Variants in PDS5B observed in about 807,000 individuals in gnomAD.
PDS5B encodes the protein PDS5 cohesin associated factor B.
Under a neutral mutation model 184.1 loss-of-function variants are expected in PDS5B, and 51 were observed. The ratio of observed to expected loss-of-function variants is 0.28; its 90% CI spans 0.22 to 0.35. The LOEUF (loss-of-function observed/expected upper bound fraction) is 0.35, where lower values mean the gene tolerates loss of function less well. PDS5B is among the 10% of genes least tolerant of loss of function. The probability of loss-of-function intolerance (pLI) is 1.00; values close to 1 mark genes in which losing one functional copy is unlikely to be tolerated. For missense variants in PDS5B, 1,180 were observed against 1,723.3 expected, an observed-to-expected ratio of 0.68 and a Z score of 5.58; for synonymous variants, 566 against 569.2, an observed-to-expected ratio of 0.99 and a Z score of 0.08.
chr13:32,614,137 G>T (rs985823569), intron 1 of PDS5B, among the ~76,000 whole-genome samples: 2 of 151,994 alleles, frequency 1.3e-5, no homozygotes, highest in African/African-American at 4.8e-5. Flanking sequence ...GTAGCTTTGG[G>T]GTAAGTTATG....
intron 24 of PDS5B, 33 bp downstream of exon 24, chr13:32,746,133 A>T: frequency 6.3e-7 from 1 of 1,584,786 alleles, no homozygotes; most frequent in Non-Finnish European, 8.6e-7. Flanking sequence ...CTACTTTTTG[A>T]AGGTCTTTGA....
At position 32,770,712 on chromosome 13, in the gene PDS5B, C is replaced by A. The variant is rs921699617; in HGVS notation, c.4123C>A (p.Arg1375=). The A allele has an allele frequency of 1.2e-6, 2 of 1,610,226 alleles. No homozygotes were observed. Among genetic ancestry groups the A allele is most frequent in the Non-Finnish European group, 1.7e-6 (2 of 1,178,296 alleles). Residue 1375 remains arginine (R), a synonymous_variant, in exon 33 of 35, where the codon CGA becomes AGA. Coordinates refer to ENST00000315596, the MANE Select transcript of PDS5B (RefSeq NM_015032.4). ...ESTQSTPQKG[R]GRPSKTPSPS... is the part of the protein sequence containing the mutation. ...CACACAGTCCACACCACAGAAAGGA[C>A]GAGGAAGACCATCAAAAACGCCATC...
intron 1 of PDS5B, among the ~76,000 whole-genome samples, chr13:32,606,469 A>G (rs1346462659): frequency 6.6e-6 from 1 of 152,116 alleles, no homozygotes; most frequent in Non-Finnish European, 1.5e-5. Flanking sequence ...TTTGTGGGTA[A>G]CCAGACCTTT....
At chr13:32,606,377 G>C (rs1332908481) in intron 1 of PDS5B, among the ~76,000 whole-genome samples, 1 of 152,222 alleles carries the variant, frequency 6.6e-6, no homozygotes, top group African/African-American at 2.4e-5. Flanking sequence ...TTTTCTTTAA[G>C]AATGTTGAAT....
At position 32,774,918 on chromosome 13, in the gene PDS5B, C is replaced by G. The variant is rs147330883; in HGVS notation, c.4309-99C>G. ...TCAGGGAAAGGAAAGCAAAGAAAATCAGGAACAAATGAGAATAAAGATTAG... is the reference window on the plus strand; with the variant it reads ...TCAGGGAAAGGAAAGCAAAGAAAATGAGGAACAAATGAGAATAAAGATTAG... On this transcript the variant is annotated intron_variant, in intron 34 of 34. Coordinates refer to ENST00000315596, the MANE Select transcript of PDS5B (RefSeq NM_015032.4). 4.0e-4 allele frequency: 461 copies of G among 1,148,130 alleles called. No individual in the cohort carries two copies. In the African/African-American group the frequency reaches 6.3e-3, roughly 16 times the overall value. The allele number at this position is 1,148,130 out of a possible 1,614,324, so 71.1% of individuals were successfully genotyped here. A position where few individuals can be genotyped will look rare whatever the true frequency, so the allele number is the denominator to read the frequency against.
Position 32,742,843 on chromosome 13 carries a change from A to C in PDS5B, c.2612+116A>C, listed in dbSNP as rs1021441544. On this transcript the variant is annotated intron_variant, in intron 23 of 34. Transcript: ENST00000315596. Reference sequence around the variant, plus strand: ...TTTTTAAATTAGAATTGCTTTGTACATGTGCATATATTTTTACTGGAATAT... The same window carrying C: ...TTTTTAAATTAGAATTGCTTTGTACCTGTGCATATATTTTTACTGGAATAT... The C allele has an allele frequency of 4.4e-5, 40 of 900,180 alleles. No individual in the cohort carries two copies. The East Asian group carries it at 9.9e-4, about 22-fold the overall frequency. 55.8% of individuals were successfully genotyped at this position (900,180 alleles called of 1,614,324 possible).
chr13:32,720,048 T>G (rs551664436), intron 19 of PDS5B, among the ~76,000 whole-genome samples: 1 of 152,334 alleles, frequency 6.6e-6, no homozygotes, highest in South Asian at 2.1e-4. Flanking sequence ...TCTGTCCGCC[T>G]TGGCCTCCCA....
At chr13:32,692,176 C>CTA (rs1469365814) in intron 13 of PDS5B, among the ~76,000 whole-genome samples, 1 of 152,012 alleles carries the variant, frequency 6.6e-6, no homozygotes, top group Admixed American at 6.6e-5. Context: ...ATTTTATTCT[C>CTA]TGACTACTTT....
chr13:32,694,540 AC>A (rs1951648391), intron 14 of PDS5B, among the ~76,000 whole-genome samples: 2 of 151,854 alleles, frequency 1.3e-5, no homozygotes, highest in South Asian at 4.1e-4. Context: ...GGGTCTGTGT[AC>A]TCAAAGTTTT....
chr13:32,746,093 C>T lies in PDS5B; in HGVS notation c.2729C>T (p.Ala910Val). 2 of 1,612,298 alleles carry T rather than the reference C, an allele frequency of 1.2e-6. No homozygotes were observed. Among genetic ancestry groups the T allele is most frequent in the South Asian group, 1.1e-5 (1 of 90,742 alleles). Residue 910 changes from alanine (A) to valine (V), a missense_variant, in exon 24 of 35, where the codon GCT (alanine) becomes GTT (valine). Coordinates refer to ENST00000315596, the MANE Select transcript of PDS5B (RefSeq NM_015032.4). ...TLEQYQLCAL[A>V]INDECYQVRQ... ...GAACAATATCAGCTATGTGCATTAG[C>T]TATCAACGTAAGGAAATGGCTGTGT...
At position 32,702,298 on chromosome 13, in the gene PDS5B, G is replaced by C. The variant is rs561079612; in HGVS notation, c.1856+860G>C. Among the ~76,000 whole-genome samples the C allele has an allele frequency of 3.9e-4, 59 of 152,230 alleles. 2 individuals are homozygous for C. Among genetic ancestry groups the C allele is most frequent in the South Asian group, 1.9e-3 (9 of 4,828 alleles). On this transcript the variant is annotated intron_variant, in intron 17 of 34. Transcript: ENST00000315596. Reference sequence around the variant, plus strand: ...CTGTCAGTCACTTTGGACTCCTCTTGTATCGGTTTTCATTTGAAGAGGTAG... The same window carrying C: ...CTGTCAGTCACTTTGGACTCCTCTTCTATCGGTTTTCATTTGAAGAGGTAG...
At chr13:32,603,291 C>A (rs1056717857) in intron 1 of PDS5B, among the ~76,000 whole-genome samples, 1 of 152,188 alleles carries the variant, frequency 6.6e-6, no homozygotes, top group African/African-American at 2.4e-5. Context: ...AGGAAGGGAT[C>A]CAGTTTCAGC....
chr13:32,717,168 C>T (rs1162014754), intron 19 of PDS5B, among the ~76,000 whole-genome samples: 2 of 152,260 alleles, frequency 1.3e-5, no homozygotes, highest in Non-Finnish European at 1.5e-5. Flanking sequence ...CTCTGCCAGG[C>T]CACCACCCCA....
chr13:32,693,628 A>G (rs1951616061), intron 13 of PDS5B, among the ~76,000 whole-genome samples: 1 of 150,558 alleles, frequency 6.6e-6, no homozygotes, highest in Non-Finnish European at 1.5e-5. Flanking sequence ...CTAATCTGTA[A>G]CCAAGTGTTT....
intron 19 of PDS5B, among the ~76,000 whole-genome samples, chr13:32,722,221 C>T (rs969611333): frequency 7.2e-5 from 11 of 152,200 alleles, no homozygotes; most frequent in Non-Finnish European, 1.6e-4. Flanking sequence ...TCAGGCGTGG[C>T]GGCGCACGCC....
At chr13:32,740,058 A>T (rs541784678) in intron 21 of PDS5B, among the ~76,000 whole-genome samples, 17 of 152,202 alleles carry the variant, frequency 1.1e-4, no homozygotes, top group Non-Finnish European at 1.5e-4. Context: ...AAATAGTGTT[A>T]TCTTTGAGTA....
At chr13:32,615,380 T>A (rs2058202959) in intron 1 of PDS5B, among the ~76,000 whole-genome samples, 1 of 152,180 alleles carries the variant, frequency 6.6e-6, no homozygotes, top group South Asian at 2.1e-4. Context: ...AAAGCTGAAT[T>A]GAGATTTGTG....
chr13:32,728,440 C>G (rs1952985108), intron 19 of PDS5B, among the ~76,000 whole-genome samples: 1 of 133,122 alleles, frequency 7.5e-6, no homozygotes, highest in Non-Finnish European at 1.6e-5. Flanking sequence ...TTCCTGGTCT[C>G]AGGTAGTTTT....
chr13:32,717,109 G>A (rs1406054582), intron 19 of PDS5B, among the ~76,000 whole-genome samples: 2 of 151,684 alleles, frequency 1.3e-5, no homozygotes, highest in Non-Finnish European at 2.9e-5. Context: ...CCGTCCGGGA[G>A]GTGAGGGGCG....
Sources: gnomAD v4.1 joint callset for allele counts (sites outside exome capture counted in the v4.1 genomes callset) on GRCh38, gnomAD v4.1.1 for gene constraint, MANE v1.5 for transcripts, NCBI Gene and HGNC (gene_info 2026-07-23, HGNC 2026-07-21) for gene names.